PLEKHM3: variants seen among roughly 807,000 people sequenced by gnomAD.
The protein encoded by PLEKHM3 is pleckstrin homology domain containing M3, also known as pleckstrin homology domain-containing family M member 3.
In PLEKHM3, 45 loss-of-function variants were observed where a neutral mutation model predicts 81.8. That is an observed-to-expected ratio of 0.55 (90% CI 0.43 to 0.71). The LOEUF (loss-of-function observed/expected upper bound fraction) is 0.71. Among genes scored for constraint, PLEKHM3 ranks in the 30% least tolerant of loss-of-function variants. The probability of loss-of-function intolerance (pLI) is 0.00; values close to 1 mark genes in which losing one functional copy is unlikely to be tolerated. For synonymous variants in PLEKHM3, 352 were observed against 356.4 expected (o/e 0.99, Z 0.14); for missense variants, 788 against 924.3 (o/e 0.85, Z 1.91).
chr2:207,846,364 A>G (rs1196288973), intron 7 of PLEKHM3, among the ~76,000 whole-genome samples: 3 of 150,190 alleles, frequency 2.0e-5, no homozygotes, highest in African/African-American at 7.4e-5. Context: ...CTGGTCTTGA[A>G]CTCCTGACCT....
intron 3 of PLEKHM3, among the ~76,000 whole-genome samples, chr2:207,952,652 C>T (rs766573255): frequency 1.3e-5 from 2 of 152,158 alleles, no homozygotes; most frequent in Non-Finnish European, 2.9e-5. Flanking sequence ...TTATTTGACA[C>T]AGGGCACAAG....
At chr2:207,975,761 G>A (rs1006663747) in intron 3 of PLEKHM3, among the ~76,000 whole-genome samples, 9 of 151,280 alleles carry the variant, frequency 5.9e-5, no homozygotes, top group African/African-American at 1.2e-4. Context: ...CAAGCCTGAC[G>A]AATTTTTGCA....
chr2:208,022,066 T>C (rs1693148214), intron 1 of PLEKHM3, among the ~76,000 whole-genome samples: 1 of 152,226 alleles, frequency 6.6e-6, no homozygotes, highest in Admixed American at 6.5e-5. Flanking sequence ...TGGAATTAAC[T>C]GGGTCAAAAG....
intron 6 of PLEKHM3, 33 bp from the exon 7 acceptor site, chr2:207,861,295 T>C (rs1378116822): frequency 1.2e-6 from 2 of 1,607,244 alleles, no homozygotes; most frequent in East Asian, 2.2e-5. Context: ...GGGAAGCACA[T>C]TTATTGAGAA....
chr2:207,834,251 T>C (rs1202473608), intron 7 of PLEKHM3, among the ~76,000 whole-genome samples: 1 of 150,584 alleles, frequency 6.6e-6, no homozygotes, highest in Non-Finnish European at 1.5e-5. Context: ...TGCCTCAGCC[T>C]TCCCAAGTAG....
Position 207,976,873 on chromosome 2 carries a change from G to T in PLEKHM3, c.1324C>A (p.Gln442Lys), listed in dbSNP as rs1319721236. The T allele has an allele frequency of 1.2e-6, 2 of 1,614,106 alleles. No individual in the cohort carries two copies. The highest frequency in any genetic ancestry group is 2.7e-5 in the African/African-American group (2 of 74,930). ...GCCTCCATCCATTCCTGAGCCCTCT[G>T]TCGGGTCTCAGCTCGGAGGCGAAGG... ...DVLRLRAETR[Q>K]RAQEWMEALK... Residue 442 changes from glutamine to lysine, a missense_variant, in exon 3 of 8, where the codon CAG (glutamine) becomes AAG (lysine). Gln to Lys is a moderately conservative substitution (Grantham distance 53). Transcript: ENST00000427836. The surrounding 1 kb of genome is among the most constrained non-coding windows in gnomAD (Gnocchi z 4.1).
intron 3 of PLEKHM3, among the ~76,000 whole-genome samples, chr2:207,965,328 A>C (rs954344943): frequency 2.4e-4 from 36 of 152,148 alleles, no homozygotes; most frequent in Non-Finnish European, 8.8e-5. Context: ...AGGAAGCTAC[A>C]AAAAGGGACA....
intron 2 of PLEKHM3, among the ~76,000 whole-genome samples, chr2:207,987,802 T>G (rs1243675549): frequency 6.6e-6 from 1 of 152,152 alleles, no homozygotes; most frequent in African/African-American, 2.4e-5. Flanking sequence ...TCCATCTTCA[T>G]GAGGGCCTTC....
intron 6 of PLEKHM3, among the ~76,000 whole-genome samples, chr2:207,864,188 A>G (rs2092483485): frequency 6.6e-6 from 1 of 152,202 alleles, no homozygotes; most frequent in African/African-American, 2.4e-5. Context: ...TACATTTCCC[A>G]CCATTCTTCA....
At chr2:207,979,959 A>T (rs191050861) in intron 2 of PLEKHM3, among the ~76,000 whole-genome samples, 54 of 152,276 alleles carry the variant, frequency 3.5e-4, no homozygotes, top group Admixed American at 1.4e-3. Context: ...ATGGATGCCT[A>T]TTTGCAGGTT....
In PLEKHM3 at chr2:207,930,924, A is replaced by G; in HGVS notation, c.1886+2T>C. 1.9e-6 allele frequency: 3 copies of G among 1,612,520 alleles called. No homozygotes were observed. The highest frequency in any genetic ancestry group is 2.5e-6 in the Non-Finnish European group (3 of 1,178,896). ...GAGCCGTCTGAGATTTATGACTCTT[A>G]CCTGCGGCGGAGATCCTCTGCCACC... On this transcript the variant is annotated splice_donor_variant, in intron 5 of 7. Coordinates refer to ENST00000427836, the MANE Select transcript of PLEKHM3 (RefSeq NM_001080475.3). LOFTEE classifies it high-confidence loss of function.
chr2:207,895,564 T>C (rs1364887453), intron 6 of PLEKHM3, among the ~76,000 whole-genome samples: 1 of 152,174 alleles, frequency 6.6e-6, no homozygotes, highest in Non-Finnish European at 1.5e-5. Flanking sequence ...TCCCTTATGG[T>C]GCCCCATTCC....
rs531712760 is a variant in PLEKHM3 at position 208,025,498 on chromosome 2, C to G, written c.-428G>C. On this transcript the variant is annotated 5_prime_UTR_variant, in exon 1 of 8. Coordinates refer to ENST00000427836, the MANE Select transcript of PLEKHM3 (RefSeq NM_001080475.3). ...GCCTCACGGTGACAGCCCGCCCGGG[C>G]GCTGACCATCCCGGCCCGGCTCTGT... is the stretch of plus-strand genomic sequence containing the variant. 2.0e-5 allele frequency: 3 copies of G among 152,518 alleles called. No individual in the cohort carries two copies. The East Asian group carries it at 5.8e-4, about 29-fold the overall frequency. The allele number at this position is 152,518 out of a possible 1,614,324, so 9.4% of individuals were successfully genotyped here.
chr2:207,901,323 G>C, intron 6 of PLEKHM3: 1 of 703,028 alleles, frequency 1.4e-6, no homozygotes, highest in Non-Finnish European at 2.6e-6. Flanking sequence ...GAACAGAAAA[G>C]TCAGCTTGCA....
intron 4 of PLEKHM3, among the ~76,000 whole-genome samples, chr2:207,945,826 AG>A (rs1352583795): frequency 6.6e-6 from 1 of 151,830 alleles, no homozygotes; most frequent in Non-Finnish European, 1.5e-5. Flanking sequence ...ACTTGAACCC[AG>A]GAAGTGGAGG....
chr2:207,862,998 G>A (rs372518803), intron 6 of PLEKHM3, among the ~76,000 whole-genome samples: 26 of 152,342 alleles, frequency 1.7e-4, no homozygotes, highest in African/African-American at 6.0e-4. Flanking sequence ...TGGTGAGGTT[G>A]CACCAGGAGG....
chr2:207,947,059 G>A (rs1428277252), intron 3 of PLEKHM3, among the ~76,000 whole-genome samples: 1 of 152,200 alleles, frequency 6.6e-6, no homozygotes, highest in Non-Finnish European at 1.5e-5. Context: ...CCCCAAAACT[G>A]TTATGTAGCC....
At chr2:207,866,279 C>T (rs1414328222) in intron 6 of PLEKHM3, among the ~76,000 whole-genome samples, 2 of 152,104 alleles carry the variant, frequency 1.3e-5, no homozygotes, top group Admixed American at 6.5e-5. Flanking sequence ...CCTCAGCCTC[C>T]CAAGTGGCTG....
chr2:207,992,123 A>G (rs2106071039), intron 2 of PLEKHM3, among the ~76,000 whole-genome samples: 1 of 152,298 alleles, frequency 6.6e-6, no homozygotes, highest in South Asian at 2.1e-4. Context: ...AATCTAGATC[A>G]CACTGTGTTT....
Sources: allele counts gnomAD v4.1 joint callset (sites outside exome capture counted in the v4.1 genomes callset), GRCh38; gene constraint gnomAD v4.1.1; non-coding constraint Gnocchi (gnomAD v3.1); transcripts MANE v1.5; gene names NCBI Gene and HGNC (gene_info 2026-07-23, HGNC 2026-07-21).